Variants in B3GAT2 observed in about 807,000 individuals in gnomAD.
B3GAT2 encodes the protein beta-1,3-glucuronyltransferase 2.
Under a neutral mutation model 27.8 loss-of-function variants are expected in B3GAT2, and 26 were observed. The observed-to-expected ratio is 0.93, with a 90% confidence interval of 0.68 to 1.30. B3GAT2 has a LOEUF of 1.30. B3GAT2 is among the 50% of genes most tolerant of loss of function. The pLI, the probability that B3GAT2 is intolerant of heterozygous loss-of-function variation, is 0.00. For missense variants in B3GAT2, 458 were observed against 459.0 expected (o/e 1.00, Z 0.02); for synonymous variants, 218 against 195.1 (o/e 1.12, Z -0.98).
At chr6:70,894,366 T>A (rs1772343938) in intron 1 of B3GAT2, 94 bp from the exon 2 acceptor site, 2 of 1,333,090 alleles carry the variant, frequency 1.5e-6, no homozygotes, top group Non-Finnish European at 2.0e-6. Context: ...GGGCTGGTAG[T>A]GGTGTAAGAT....
At position 70,956,007 on chromosome 6, in the gene B3GAT2, G is replaced by T. The variant is rs879653030; in HGVS notation, c.423C>A (p.His141Gln). The change falls in exon 1 of 4, where the codon CAC becomes CAA. Residue 141 changes from histidine (H) to glutamine (Q), a missense_variant. Transcript: ENST00000230053. Reference protein sequence around the residue: ...ARAGLPSTHLHVPTPRRYKRP... With the variant: ...ARAGLPSTHLQVPTPRRYKRP... The stretch of plus-strand genomic sequence containing the variant: ...GCTTGTAGCGCCGCGGCGTGGGCAC[G>T]TGCAGGTGAGTGCTGGGCAGCCCGG... The T allele has an allele frequency of 2.7e-6, 4 of 1,484,794 alleles. No individual in the cohort carries two copies. The highest frequency in any genetic ancestry group is 1.5e-5 in the African/African-American group (1 of 67,938). The allele number at this position is 1,484,794 out of a possible 1,614,324, so 92.0% of individuals were successfully genotyped here. A position where few individuals can be genotyped will look rare whatever the true frequency, so the allele number is the denominator to read the frequency against.
intron 1 of B3GAT2, among the ~76,000 whole-genome samples, chr6:70,943,370 T>C (rs1488068851): frequency 2.0e-5 from 3 of 152,190 alleles, no homozygotes; most frequent in African/African-American, 7.2e-5. Context: ...CAAGCACATC[T>C]CTGTTCCCAG....
chr6:70,929,829 T>C (rs993360926), intron 1 of B3GAT2, among the ~76,000 whole-genome samples: 10 of 152,272 alleles, frequency 6.6e-5, no homozygotes, highest in African/African-American at 2.2e-4. Flanking sequence ...CTTCACATAA[T>C]TGGAAAAAAC....
chr6:70,859,847 T>A lies in B3GAT2; in HGVS notation c.*1816A>T. ...ATCATACAAAGTTTATAGGATAATT[T>A]TAGACTATTTTACTTCCTAAAATTT... On this transcript the variant is annotated 3_prime_UTR_variant, in exon 4 of 4. Transcript: ENST00000230053. 5.3e-6 allele frequency: 1 copy of A among 188,728 alleles called. No homozygotes were observed. Among genetic ancestry groups the A allele is most frequent in the Non-Finnish European group, 1.1e-5 (1 of 91,810 alleles). 11.7% of individuals were successfully genotyped at this position (188,728 alleles called of 1,614,324 possible). A position where few individuals can be genotyped will look rare whatever the true frequency, so the allele number is the denominator to read the frequency against.
chr6:70,936,638 T>G (rs1346408904), intron 1 of B3GAT2, among the ~76,000 whole-genome samples: 1 of 152,084 alleles, frequency 6.6e-6, no homozygotes, highest in East Asian at 1.9e-4. Flanking sequence ...CTGAACAACC[T>G]GCTCCTGAAT....
intron 1 of B3GAT2, among the ~76,000 whole-genome samples, chr6:70,928,032 A>T (rs185423716): frequency 5.3e-4 from 81 of 152,374 alleles, no homozygotes; most frequent in African/African-American, 1.9e-3. Flanking sequence ...TAAGAAACTC[A>T]TTCAAAACTG....
At chr6:70,919,068 G>A (rs4707865) in intron 1 of B3GAT2, among the ~76,000 whole-genome samples, 74,262 of 151,886 alleles carry the variant, frequency 0.49, 18,758 homozygotes, top group East Asian at 0.69. Context: ...ACATAGTCCC[G>A]TATTTCTTGG....
At chr6:70,891,877 T>C (rs574872373) in intron 2 of B3GAT2, among the ~76,000 whole-genome samples, 2 of 152,224 alleles carry the variant, frequency 1.3e-5, no homozygotes, top group African/African-American at 2.4e-5. Context: ...ATGAATTGTA[T>C]GTGGAATCTA....
intron 1 of B3GAT2, among the ~76,000 whole-genome samples, chr6:70,944,624 G>A (rs113484890): frequency 1.4e-5 from 1 of 72,274 alleles, no homozygotes; most frequent in African/African-American, 6.0e-5. Context: ...GCCTCTGTAG[G>A]CTCCACCTCT....
At chr6:70,899,298 T>G (rs1035345366) in intron 1 of B3GAT2, among the ~76,000 whole-genome samples, 13 of 152,210 alleles carry the variant, frequency 8.5e-5, no homozygotes, top group African/African-American at 3.1e-4. Flanking sequence ...TATAGGGTTT[T>G]GTCCACAGAA....
Position 70,956,445 on chromosome 6 carries a change from G to C in B3GAT2, c.-16C>G. On this transcript the variant is annotated 5_prime_UTR_variant, in exon 1 of 4. Coordinates refer to ENST00000230053, the MANE Select transcript of B3GAT2 (RefSeq NM_080742.3). ...CGGACTTCATGGTGCACGCTCCCTGGCCTCTCGGACACCCCAGAGAGGGGC... is the reference window on the plus strand; with the variant it reads ...CGGACTTCATGGTGCACGCTCCCTGCCCTCTCGGACACCCCAGAGAGGGGC... 1 of 1,550,486 alleles carries C rather than the reference G, an allele frequency of 6.4e-7. No homozygotes were observed. Among genetic ancestry groups the C allele is most frequent in the African/African-American group, 1.4e-5 (1 of 73,148 alleles).
At chr6:70,902,633 T>TACACAC (rs200605766) in intron 1 of B3GAT2, among the ~76,000 whole-genome samples, 55 of 144,188 alleles carry the variant, frequency 3.8e-4, no homozygotes, top group African/African-American at 1.4e-3. Context: ...TATATATATA[T>TACACAC]ATATACACAC....
At position 70,943,337 on chromosome 6, in the gene B3GAT2, G is replaced by A. The variant is rs1036737750; in HGVS notation, c.591+12502C>T. 3.9e-5 allele frequency among the ~76,000 whole-genome samples: 6 copies of A among 152,284 alleles called. 1 individual carries two copies. The East Asian group carries it at 7.7e-4, about 20-fold the overall frequency. On this transcript the variant is annotated intron_variant, in intron 1 of 3. Transcript: ENST00000230053. ...CAGCAGCCAACATAAGGGGTATATT[G>A]GTGAGGAGAACCAAGGCTCCTCCAA... is the stretch of plus-strand genomic sequence containing the variant.
In B3GAT2 at chr6:70,860,323, C is replaced by T. The variant is rs1260826289; in HGVS notation, c.*1340G>A. The T allele has an allele frequency of 4.4e-6, 7 of 1,606,854 alleles. No individual in the cohort carries two copies. The highest frequency in any genetic ancestry group is 5.1e-6 in the Non-Finnish European group (6 of 1,178,064). ...ATCAGGTCAGACTCTCAGCACACAA[C>T]TGTGGAAATGAAAACTGCAATACAA... On this transcript the variant is annotated 3_prime_UTR_variant, in exon 4 of 4. Coordinates refer to ENST00000230053, the MANE Select transcript of B3GAT2 (RefSeq NM_080742.3).
In B3GAT2 at chr6:70,898,162, T is replaced by C. The variant is rs139963702; in HGVS notation, c.592-3890A>G. On this transcript the variant is annotated intron_variant, in intron 1 of 3. Transcript: ENST00000230053. ...AATTTCAGCAAATTCCGATAGAGAT[T>C]GCATTGAATCTATATATTAATTTGG... is the stretch of plus-strand genomic sequence containing the variant. 5.0e-3 allele frequency among the ~76,000 whole-genome samples: 757 copies of C among 152,360 alleles called. 4 individuals are homozygous for C. Among genetic ancestry groups the C allele is most frequent in the Non-Finnish European group, 8.0e-3 (542 of 68,028 alleles).
intron 1 of B3GAT2, among the ~76,000 whole-genome samples, chr6:70,943,976 G>T (rs750294452): frequency 6.6e-6 from 1 of 152,120 alleles, no homozygotes; most frequent in Non-Finnish European, 1.5e-5. Flanking sequence ...CACAAAAAAT[G>T]ATAAAATTGT....
intron 1 of B3GAT2, among the ~76,000 whole-genome samples, chr6:70,938,965 C>T (rs1024224527): frequency 2.6e-5 from 4 of 151,698 alleles, no homozygotes; most frequent in Non-Finnish European, 5.9e-5. Flanking sequence ...AACAGGCAAC[C>T]TACAAAATGG....
At chr6:70,874,052 C>T (rs1771977311) in intron 2 of B3GAT2, among the ~76,000 whole-genome samples, 1 of 152,138 alleles carries the variant, frequency 6.6e-6, no homozygotes, top group Non-Finnish European at 1.5e-5. Flanking sequence ...AATGTCCAGA[C>T]ATTTTCAGGG....
chr6:70,947,280 A>G (rs1296388731), intron 1 of B3GAT2, among the ~76,000 whole-genome samples: 3 of 152,042 alleles, frequency 2.0e-5, no homozygotes, highest in African/African-American at 7.2e-5. Context: ...TCAAAAAATT[A>G]ATGAATCCAG....
Sources: gnomAD v4.1 joint callset for allele counts (sites outside exome capture counted in the v4.1 genomes callset) on GRCh38, gnomAD v4.1.1 for gene constraint, MANE v1.5 for transcripts, NCBI Gene and HGNC (gene_info 2026-07-23, HGNC 2026-07-21) for gene names.